The following SEC24A variants were observed in gnomAD, a reference collection of about 807,000 sequenced individuals.
The protein encoded by SEC24A is SEC24 homolog A, COPII component, also known as protein transport protein Sec24A.
Under a neutral mutation model 129.4 loss-of-function variants are expected in SEC24A, and 93 were observed. The observed-to-expected ratio is 0.72, with a 90% confidence interval of 0.61 to 0.85. The LOEUF (loss-of-function observed/expected upper bound fraction) is 0.85, where lower values mean the gene tolerates loss of function less well. Among genes scored for constraint, SEC24A ranks in the 40% least tolerant of loss-of-function variants. The pLI, the probability that SEC24A is intolerant of heterozygous loss-of-function variation, is 0.00. For synonymous variants in SEC24A, 460 were observed against 467.3 expected (o/e 0.98, Z 0.20); for missense variants, 1,264 against 1,307.4 (o/e 0.97, Z 0.51).
chr5:134,706,035 G>A (rs1752150772), intron 17 of SEC24A, among the ~76,000 whole-genome samples: 1 of 151,884 alleles, frequency 6.6e-6, no homozygotes, highest in Non-Finnish European at 1.5e-5. Context: ...TTACAGGCAT[G>A]CGCCACCATG....
At chr5:134,664,909 C>G (rs1342981176) in intron 2 of SEC24A, among the ~76,000 whole-genome samples, 1 of 137,010 alleles carries the variant, frequency 7.3e-6, no homozygotes, top group Non-Finnish European at 1.5e-5. Context: ...AGCAGTTCTT[C>G]TGCCTCAGCC....
chr5:134,714,955 C>A, intron 18 of SEC24A, 69 bp from the exon 19 acceptor site: 1 of 1,411,326 alleles, frequency 7.1e-7, no homozygotes, highest in Non-Finnish European at 9.7e-7. Flanking sequence ...TAACAACTGG[C>A]ATTTTAAAAG....
At chr5:134,705,084 A>ATT (rs1271587849) in intron 16 of SEC24A, among the ~76,000 whole-genome samples, 26 of 128,988 alleles carry the variant, frequency 2.0e-4, no homozygotes, top group South Asian at 5.4e-4. Flanking sequence ...ATATATATAT[A>ATT]TATATATTTT....
intron 3 of SEC24A, among the ~76,000 whole-genome samples, chr5:134,667,524 G>A (rs1389942543): frequency 6.6e-6 from 1 of 151,660 alleles, no homozygotes; most frequent in African/African-American, 2.4e-5. Flanking sequence ...GGTGGCAAGC[G>A]ACTGTAGTAG....
chr5:134,672,218 C>T (rs1561809153), intron 4 of SEC24A, among the ~76,000 whole-genome samples: 1 of 151,932 alleles, frequency 6.6e-6, no homozygotes. Context: ...GACTGAGTCT[C>T]GCTCTGTTGC....
chr5:134,720,816 C>T (rs1470954005), intron 20 of SEC24A, among the ~76,000 whole-genome samples, 182 bp from the exon 21 acceptor site: 1 of 152,098 alleles, frequency 6.6e-6, no homozygotes, highest in East Asian at 1.9e-4. Flanking sequence ...GGTGGGAAAT[C>T]GCTTGAACCC....
rs776491776 is a variant in SEC24A, at chr5:134,652,970, A to AT, written c.97+3813dup. On this transcript the variant is annotated intron_variant, in intron 1 of 22. Coordinates refer to ENST00000398844, the MANE Select transcript of SEC24A (RefSeq NM_021982.3). ...CCACCACACCCGGCTAATTTTTTGT[A>AT]TTTTTTTTTTTTTTTTAGTAGAGAC... Among the ~76,000 whole-genome samples, 476 of 119,264 alleles carry AT rather than the reference A, an allele frequency of 4.0e-3. 2 individuals are homozygous for AT. The highest frequency in any genetic ancestry group is 8.2e-3 in the African/African-American group (267 of 32,384). The allele number at this position is 119,264 out of a possible 152,430, so 78.2% of individuals were successfully genotyped here.
At chr5:134,700,324 A>G (rs368529654) in intron 15 of SEC24A, among the ~76,000 whole-genome samples, 3 of 151,684 alleles carry the variant, frequency 2.0e-5, no homozygotes, top group East Asian at 1.9e-4. Flanking sequence ...GGCTCAAGCA[A>G]TCCTCTTAGC....
chr5:134,693,495 A>C, intron 12 of SEC24A: 1 of 1,409,854 alleles, frequency 7.1e-7, no homozygotes, highest in Non-Finnish European at 9.2e-7. Flanking sequence ...GTCTTGCTGG[A>C]CTACTGCATG....
intron 1 of SEC24A, among the ~76,000 whole-genome samples, chr5:134,652,538 G>A (rs569643802): frequency 9.5e-4 from 144 of 151,946 alleles, no homozygotes; most frequent in Non-Finnish European, 1.1e-3. Context: ...CGCCCACCTC[G>A]GCCTACTAAA....
chr5:134,717,098 C>T (rs71587538), intron 19 of SEC24A, among the ~76,000 whole-genome samples: 1 of 151,748 alleles, frequency 6.6e-6, no homozygotes, highest in African/African-American at 2.4e-5. Context: ...AGGCTGGTTT[C>T]AAATTCCTAA....
chr5:134,689,986 G>T (rs905678113), intron 11 of SEC24A, among the ~76,000 whole-genome samples: 2 of 152,052 alleles, frequency 1.3e-5, no homozygotes, highest in South Asian at 2.1e-4. Flanking sequence ...AGGGGCTGGG[G>T]GGGGAGGGCG....
At chr5:134,695,780 AAAC>A (rs766677897) in intron 13 of SEC24A, among the ~76,000 whole-genome samples, 7 of 151,746 alleles carry the variant, frequency 4.6e-5, no homozygotes, top group Admixed American at 6.6e-5. Context: ...CTCCGTCTCA[AAAC>A]AACAACAACA....
intron 21 of SEC24A, 101 bp from the exon 22 acceptor site, chr5:134,723,465 GA>G (rs993448919): frequency 2.6e-5 from 19 of 728,886 alleles, no homozygotes; most frequent in Admixed American, 8.0e-5. Context: ...TCTCAAAAAA[GA>G]AAAAAAATGT....
chr5:134,709,394 C>G (rs997438021), intron 18 of SEC24A, among the ~76,000 whole-genome samples: 2 of 152,110 alleles, frequency 1.3e-5, no homozygotes, highest in African/African-American at 4.8e-5. Context: ...AAAACTGATT[C>G]AGAGCAAGTT....
intron 3 of SEC24A, among the ~76,000 whole-genome samples, chr5:134,668,954 C>G (rs1439297897): frequency 3.3e-5 from 5 of 150,548 alleles, no homozygotes; most frequent in Admixed American, 2.0e-4. Context: ...TGCCTGTAAT[C>G]CCAGCTACTT....
At chr5:134,678,742 T>C (rs1398503800) in intron 7 of SEC24A, among the ~76,000 whole-genome samples, 1 of 152,082 alleles carries the variant, frequency 6.6e-6, no homozygotes, top group African/African-American at 2.4e-5. Context: ...CCACTACGCC[T>C]AGCTAATTTT....
chr5:134,672,403 T>G (rs746049249), intron 4 of SEC24A, among the ~76,000 whole-genome samples: 17 of 151,882 alleles, frequency 1.1e-4, no homozygotes, highest in Non-Finnish European at 2.4e-4. Flanking sequence ...GGCCAGGCTG[T>G]CCTCTAACTC....
At chr5:134,677,056 C>T (rs1018876248) in intron 7 of SEC24A, among the ~76,000 whole-genome samples, 1 of 152,134 alleles carries the variant, frequency 6.6e-6, no homozygotes, top group African/African-American at 2.4e-5. Flanking sequence ...CCCGTTCTGC[C>T]ATCCTTGCAG....
Sources: gnomAD v4.1 joint callset for allele counts (sites outside exome capture counted in the v4.1 genomes callset) on GRCh38, gnomAD v4.1.1 for gene constraint, MANE v1.5 for transcripts, NCBI Gene and HGNC (gene_info 2026-07-23, HGNC 2026-07-21) for gene names.